The following SLC25A53 variants were observed in gnomAD, a reference collection of about 807,000 sequenced individuals.
SLC25A53 encodes the protein solute carrier family 25 member 53.
Under a neutral mutation model 15.0 loss-of-function variants are expected in SLC25A53, and 5 were observed. The ratio of observed to expected loss-of-function variants is 0.33; its 90% CI spans 0.17 to 0.70. SLC25A53 has a LOEUF of 0.70. Among genes scored for constraint, SLC25A53 ranks in the 30% least tolerant of loss-of-function variants. SLC25A53 has a pLI of 0.67. For missense variants in SLC25A53, 216 were observed against 241.6 expected (o/e 0.89, Z 0.70); for synonymous variants, 95 against 100.0 (o/e 0.95, Z 0.30).
intron 1 of SLC25A53, among the ~76,000 whole-genome samples, chrX:104,149,998 C>T (rs1481945809): frequency 9.1e-6 from 1 of 110,069 alleles, no homozygotes; most frequent in Non-Finnish European, 1.9e-5. Flanking sequence ...TTTGGGAGTC[C>T]GAGGCGGGAG....
chrX:104,142,539 T>C (rs2075453587), intron 1 of SLC25A53, among the ~76,000 whole-genome samples: 1 of 111,007 alleles, frequency 9.0e-6, no homozygotes, highest in Non-Finnish European at 1.9e-5. Context: ...CTCGAGATAA[T>C]TGGCTGAAAA....
chrX:104,114,623 A>C lies in SLC25A53; in HGVS notation c.-31-9335T>G, dbSNP rs781874446. On this transcript the variant is annotated intron_variant, in intron 1 of 1. Coordinates refer to ENST00000594199, the MANE Select transcript of SLC25A53 (RefSeq NM_001012755.5). ...GGCATCCTAGCTGAGAAAGATGCAA[A>C]CCAGACTCGCTTGCAACAGCTTCTT... 17 of 1,210,236 alleles carry C rather than the reference A, an allele frequency of 1.4e-5. No homozygotes were observed. In the East Asian group the frequency reaches 5.0e-4, roughly 36 times the overall value.
intron 1 of SLC25A53, among the ~76,000 whole-genome samples, chrX:104,125,457 T>C (rs782622192): frequency 1.5e-4 from 17 of 111,605 alleles, no homozygotes; most frequent in African/African-American, 5.5e-4. Flanking sequence ...GAAGAAATTA[T>C]AGTTTCACCT....
intron 1 of SLC25A53, among the ~76,000 whole-genome samples, chrX:104,139,148 C>T (rs782471655): frequency 8.9e-6 from 1 of 112,873 alleles, no homozygotes; most frequent in African/African-American, 3.2e-5. Flanking sequence ...TCCCTTTCCC[C>T]TTCCCTATCA....
At chrX:104,120,224 A>G (rs1002087346) in intron 1 of SLC25A53, among the ~76,000 whole-genome samples, 4 of 111,882 alleles carry the variant, frequency 3.6e-5, no homozygotes, top group Middle Eastern at 4.6e-3. Flanking sequence ...CACAAGGTAT[A>G]TATGTAGGAG....
At chrX:104,138,716 G>A (rs1201134932) in intron 1 of SLC25A53, among the ~76,000 whole-genome samples, 1 of 112,146 alleles carries the variant, frequency 8.9e-6, no homozygotes, top group Non-Finnish European at 1.9e-5. Context: ...GTAGACGGGG[G>A]AACCAGAAGG....
intron 1 of SLC25A53, among the ~76,000 whole-genome samples, chrX:104,138,277 C>T (rs2075442107): frequency 9.0e-6 from 1 of 111,554 alleles, no homozygotes; most frequent in East Asian, 2.8e-4. Flanking sequence ...GGCATGGTGA[C>T]GTGCCCGTAC....
intron 1 of SLC25A53, among the ~76,000 whole-genome samples, chrX:104,122,304 GTTTT>G (rs1264243091): frequency 1.3e-5 from 1 of 77,060 alleles, no homozygotes; most frequent in African/African-American, 4.5e-5. Flanking sequence ...TCTTTTTTTT[GTTTT>G]TTTTTTTTGT....
rs991577790 is a variant in SLC25A53 at position 104,143,367 on chromosome X, C to T, written c.-32+13511G>A. On this transcript the variant is annotated intron_variant, in intron 1 of 1. Transcript: ENST00000594199. ...CTAAGAACCTTGAAAAAAGGTTAGA[C>T]GAATTGCTAACTAGAATACCCAGTG... is the stretch of plus-strand genomic sequence containing the variant. Among the ~76,000 whole-genome samples, 101 of 111,513 alleles carry T rather than the reference C, an allele frequency of 9.1e-4. 1 individual carries two copies. The highest frequency in any genetic ancestry group is 1.0e-3 in the Non-Finnish European group (53 of 53,088).
rs782397514 is a variant in SLC25A53, at chrX:104,099,758, G to C, written c.*4576C>G. On this transcript the variant is annotated 3_prime_UTR_variant, in exon 2 of 2. Coordinates refer to ENST00000594199, the MANE Select transcript of SLC25A53 (RefSeq NM_001012755.5). ...TGGAGGGAGCGGTGTCATCAGTGGT[G>C]GGGGGAGAAGAGTAGGTTATTAAAG... The C allele has an allele frequency of 8.9e-6, 1 of 111,763 alleles. No homozygotes were observed. The highest frequency in any genetic ancestry group is 1.9e-5 in the Non-Finnish European group (1 of 53,114). The allele number at this position is 111,763 out of a possible 1,213,427, so 9.2% of individuals were successfully genotyped here.
chrX:104,105,010 G>A lies in SLC25A53; in HGVS notation c.248C>T (p.Pro83Leu), dbSNP rs782188919. The A allele has an allele frequency of 2.5e-6, 3 of 1,211,902 alleles. No individual in the cohort carries two copies. Among genetic ancestry groups the A allele is most frequent in the Non-Finnish European group, 3.3e-6 (3 of 895,553 alleles). Reference protein sequence around the residue: ...GPQYFYRGIYPPLLSKTLQGT... With the variant: ...GPQYFYRGIYLPLLSKTLQGT... ...TTGCAACGTCTTGGAGAGAAGAGGA[G>A]GGTAGATTCCCCGGTAGAAGTATTG... is the stretch of plus-strand genomic sequence containing the variant. The change falls in exon 2 of 2, where the codon CCT (proline) becomes CTT (leucine). Residue 83 changes from proline (P) to leucine (L), a missense_variant. Physicochemically the swap from Pro to Leu is moderately conservative, Grantham distance 98. Coordinates refer to ENST00000594199, the MANE Select transcript of SLC25A53 (RefSeq NM_001012755.5).
At position 104,104,822 on chromosome X, in the gene SLC25A53, G is replaced by A. The variant is rs373126263; in HGVS notation, c.436C>T (p.Arg146Cys). 92 of 1,209,810 alleles carry A rather than the reference G, an allele frequency of 7.6e-5. No individual in the cohort carries two copies. Among genetic ancestry groups the A allele is most frequent in the South Asian group, 2.6e-4 (15 of 56,801 alleles). Reference sequence around the variant, plus strand: ...GTGCTGGGGAAGCGAGCTTGCTTGCGACCATCCTGGAGCACATTTTGCACC... The same window carrying A: ...GTGCTGGGGAAGCGAGCTTGCTTGCAACCATCCTGGAGCACATTTTGCACC... ...ERVQNVLQDG[R>C]KQARFPSTFS... The change falls in exon 2 of 2, where the codon CGC (arginine) becomes TGC (cysteine). Residue 146 changes from arginine to cysteine, a missense_variant. Arg to Cys is a radical substitution (Grantham distance 180). Coordinates refer to ENST00000594199, the MANE Select transcript of SLC25A53 (RefSeq NM_001012755.5).
intron 1 of SLC25A53, among the ~76,000 whole-genome samples, chrX:104,147,483 C>G (rs2075471432): frequency 9.2e-6 from 1 of 108,335 alleles, no homozygotes; most frequent in East Asian, 2.9e-4. Context: ...TTCTGCACAG[C>G]AAAAGAAACT....
At chrX:104,112,405 G>C (rs1466165105) in intron 1 of SLC25A53, 1 of 113,892 alleles carries the variant, frequency 8.8e-6, no homozygotes, top group Non-Finnish European at 1.9e-5. Context: ...CCCGCCCGCC[G>C]GCCCGCCGGC....
Position 104,138,673 on chromosome X carries a change from G to C in SLC25A53, c.-32+18205C>G, listed in dbSNP as rs139451592. Among the ~76,000 whole-genome samples, 380 of 112,478 alleles carry C rather than the reference G, an allele frequency of 3.4e-3. 4 individuals carry two copies. Among genetic ancestry groups the C allele is most frequent in the African/African-American group, 0.012 (367 of 30,950 alleles). On this transcript the variant is annotated intron_variant, in intron 1 of 1. Coordinates refer to ENST00000594199, the MANE Select transcript of SLC25A53 (RefSeq NM_001012755.5). ...GATCACACGTGGGCTTGGAGAATGAGTTCAAGATTTTATTAAGTGGAAGTA... is the reference window on the plus strand; with the variant it reads ...GATCACACGTGGGCTTGGAGAATGACTTCAAGATTTTATTAAGTGGAAGTA...
chrX:104,145,056 T>G (rs782683416), intron 1 of SLC25A53, among the ~76,000 whole-genome samples: 2 of 111,962 alleles, frequency 1.8e-5, no homozygotes, highest in Non-Finnish European at 3.8e-5. Context: ...ACCACATAGT[T>G]GGAAGTAAAA....
intron 1 of SLC25A53, among the ~76,000 whole-genome samples, chrX:104,145,979 T>C (rs1452191968): frequency 1.8e-5 from 2 of 111,900 alleles, no homozygotes; most frequent in Non-Finnish European, 3.8e-5. Flanking sequence ...ATCATCCTGA[T>C]ACAAAAACCT....
In SLC25A53 at chrX:104,104,556, C is replaced by G; in HGVS notation, c.702G>C (p.Val234=). The part of the protein sequence containing the change: ...ITCLVLYPLI[V]LVANMQSHIG... ...TATGGGACTGCATATTAGCAACCAG[C>G]ACAATCAGAGGATACAGAACTAGGC... The change falls in exon 2 of 2, where the codon GTG becomes GTC. Residue 234 remains valine (V), a synonymous_variant. Coordinates refer to ENST00000594199, the MANE Select transcript of SLC25A53 (RefSeq NM_001012755.5). 8.3e-7 allele frequency: 1 copy of G among 1,211,787 alleles called. No individual in the cohort carries two copies. The highest frequency in any genetic ancestry group is 1.8e-5 in the South Asian group (1 of 56,990).
At chrX:104,107,243 G>A (rs1459040058) in intron 1 of SLC25A53, among the ~76,000 whole-genome samples, 1 of 111,752 alleles carries the variant, frequency 8.9e-6, no homozygotes, top group Non-Finnish European at 1.9e-5. Flanking sequence ...CCTCTTGGTG[G>A]AGGCAGATGG....
Sources: allele counts gnomAD v4.1 joint callset (sites outside exome capture counted in the v4.1 genomes callset), GRCh38; gene constraint gnomAD v4.1.1; transcripts MANE v1.5; gene names NCBI Gene and HGNC (gene_info 2026-07-23, HGNC 2026-07-21).